The following IRS2 variants were observed in gnomAD, a reference collection of about 807,000 sequenced individuals.
IRS2 encodes the protein insulin receptor substrate 2.
IRS2 carries 28 observed loss-of-function variants against 70.9 expected under a neutral mutation model. The ratio of observed to expected loss-of-function variants is 0.39; its 90% confidence interval spans 0.29 to 0.54. IRS2 has a LOEUF of 0.54. Ranked by LOEUF, IRS2 falls within the 20% of genes least tolerant of loss-of-function variation. IRS2 has a pLI of 0.59. For synonymous variants in IRS2, 1,217 were observed against 981.9 expected (o/e 1.24, Z -4.48); for missense variants, 2,081 against 2,024.1 (o/e 1.03, Z -0.54).
In IRS2 at chr13:109,753,982, G is replaced by A. The variant is rs960843477; in HGVS notation, c.*2322C>T. On this transcript the variant is annotated 3_prime_UTR_variant, in exon 2 of 2. Coordinates refer to ENST00000375856, the MANE Select transcript of IRS2 (RefSeq NM_003749.3). Reference sequence around the variant, plus strand: ...CATCACATTGACCCCTATATACAGCGTGTACAGTGGAAGACAGAGCAAGAT... The same window carrying A: ...CATCACATTGACCCCTATATACAGCATGTACAGTGGAAGACAGAGCAAGAT... 9 of 231,982 alleles carry A rather than the reference G, an allele frequency of 3.9e-5. No homozygotes were observed. Among genetic ancestry groups the A allele is most frequent in the Admixed American group, 5.6e-5 (1 of 17,718 alleles). 14.4% of individuals were successfully genotyped at this position (231,982 alleles called of 1,614,324 possible). A position where few individuals can be genotyped will look rare whatever the true frequency, so the allele number is the denominator to read the frequency against.
rs777052321 is a variant in IRS2 at position 109,782,127 on chromosome 13, C to T, written c.3927G>A (p.Pro1309=). The part of the protein sequence containing the change: ...VGSTGGGCGG[P]GPGALPPANT... ...TGGCAGGGGGCAGGGCACCGGGACCCGGCCCCCCGCACCCGCCGCCGGTGC... is the reference window on the plus strand; with the variant it reads ...TGGCAGGGGGCAGGGCACCGGGACCTGGCCCCCCGCACCCGCCGCCGGTGC... The change falls in exon 1 of 2, where the codon CCG becomes CCA. Residue 1309 remains proline (P), a synonymous_variant. Transcript: ENST00000375856. The T allele has an allele frequency of 1.9e-6, 3 of 1,608,468 alleles. No individual in the cohort carries two copies. The highest frequency in any genetic ancestry group is 2.5e-6 in the Non-Finnish European group (3 of 1,178,254).
At chr13:109,778,428 GT>G (rs1414594465) in intron 1 of IRS2, among the ~76,000 whole-genome samples, 1 of 152,190 alleles carries the variant, frequency 6.6e-6, no homozygotes, top group East Asian at 1.9e-4. Context: ...GCCGGTGTGT[GT>G]TTTCATTAGC....
intron 1 of IRS2, among the ~76,000 whole-genome samples, chr13:109,769,977 T>C (rs1035883509): frequency 6.6e-6 from 1 of 152,232 alleles, no homozygotes; most frequent in Non-Finnish European, 1.5e-5. Flanking sequence ...CCTATTTTTC[T>C]TTTTTTCTGA....
At chr13:109,776,533 G>A (rs1214723899) in intron 1 of IRS2, among the ~76,000 whole-genome samples, 1 of 152,144 alleles carries the variant, frequency 6.6e-6, no homozygotes, top group African/African-American at 2.4e-5. Context: ...CTTATGTAAT[G>A]AATTCACTTA....
chr13:109,782,013 C>T, intron 1 of IRS2, 29 bp downstream of exon 1: 1 of 1,609,652 alleles, frequency 6.2e-7, no homozygotes, highest in African/African-American at 1.3e-5. Context: ...CTCCTTCCCG[C>T]CAGACGCCAA....
chr13:109,784,797 C>T lies in IRS2; in HGVS notation c.1257G>A (p.Leu419=), dbSNP rs1165974614. 2 of 1,267,682 alleles carry T rather than the reference C, an allele frequency of 1.6e-6. No individual in the cohort carries two copies. The highest frequency in any genetic ancestry group is 1.0e-6 in the Non-Finnish European group (1 of 1,002,042). The allele number at this position is 1,267,682 out of a possible 1,614,324, so 78.5% of individuals were successfully genotyped here. A position where few individuals can be genotyped will look rare whatever the true frequency, so the allele number is the denominator to read the frequency against. The change falls in exon 1 of 2, where the codon CTG becomes CTA. Residue 419 remains leucine, a synonymous_variant. Transcript: ENST00000375856. The surrounding 1 kb of genome is among the most constrained non-coding windows in gnomAD (Gnocchi z 5.2). ...TGTGTTGCAGCGCGCCCCCTGCCGGCAGCAGCGCCACCTTGCTCCCGCGGC... is the reference window on the plus strand; with the variant it reads ...TGTGTTGCAGCGCGCCCCCTGCCGGTAGCAGCGCCACCTTGCTCCCGCGGC... The part of the protein sequence containing the change: ...CGGRGSKVAL[L]PAGGALQHSR...
At position 109,753,642 on chromosome 13, in the gene IRS2, A is replaced by G. The variant is rs1877041588; in HGVS notation, c.*2662T>C. 5.7e-6 allele frequency: 1 copy of G among 175,674 alleles called. No homozygotes were observed. Among genetic ancestry groups the G allele is most frequent in the African/African-American group, 2.4e-5 (1 of 42,240 alleles). The allele number at this position is 175,674 out of a possible 1,614,324, so 10.9% of individuals were successfully genotyped here. On this transcript the variant is annotated 3_prime_UTR_variant, in exon 2 of 2. Coordinates refer to ENST00000375856, the MANE Select transcript of IRS2 (RefSeq NM_003749.3). ...TACATCGAATGTTCTGTTTTGTTATATAACACATTTACTTTTCATAAATGT... is the reference window on the plus strand; with the variant it reads ...TACATCGAATGTTCTGTTTTGTTATGTAACACATTTACTTTTCATAAATGT...
intron 1 of IRS2, among the ~76,000 whole-genome samples, chr13:109,759,034 G>A (rs1401322969): frequency 6.6e-6 from 1 of 152,046 alleles, no homozygotes; most frequent in African/African-American, 2.4e-5. Flanking sequence ...TGAGGTGAGG[G>A]AGACCAGAAA....
chr13:109,782,184 G>C lies in IRS2; in HGVS notation c.3870C>G (p.Leu1290=), dbSNP rs749244277. The C allele has an allele frequency of 6.4e-7, 1 of 1,560,792 alleles. No homozygotes were observed. Among genetic ancestry groups the C allele is most frequent in the Non-Finnish European group, 8.7e-7 (1 of 1,150,506 alleles). Residue 1290 remains leucine, a synonymous_variant, in exon 1 of 2, where the codon CTC becomes CTG. Coordinates refer to ENST00000375856, the MANE Select transcript of IRS2 (RefSeq NM_003749.3). ...DKSSWGRTRS[L]GGLISAVGVG... ...CGCCCACAGCGCTGATGAGACCCCCGAGGCTTCGGGTCCGGCCCCAGGAGC... is the reference window on the plus strand; with the variant it reads ...CGCCCACAGCGCTGATGAGACCCCCCAGGCTTCGGGTCCGGCCCCAGGAGC...
At chr13:109,773,416 T>G (rs1877502088) in intron 1 of IRS2, among the ~76,000 whole-genome samples, 1 of 152,208 alleles carries the variant, frequency 6.6e-6, no homozygotes, top group Admixed American at 6.5e-5. Flanking sequence ...ATTTCACTTA[T>G]AGAACAAGCA....
rs748989533 is a variant in IRS2, at chr13:109,785,514, G to C, written c.540C>G (p.Ala180=). The C allele has an allele frequency of 3.7e-6, 6 of 1,604,468 alleles. No individual in the cohort carries two copies. The highest frequency in any genetic ancestry group is 5.1e-6 in the Non-Finnish European group (6 of 1,176,104). ...ALGGSAGAAG[A]EDSYGLVAPA... ...GAGCCACCAGCCCGTAGCTGTCCTC[G>C]GCCCCGGCGGCGCCGGCAGAGCCGC... Residue 180 remains alanine, a synonymous_variant, in exon 1 of 2, where the codon GCC becomes GCG. Coordinates refer to ENST00000375856, the MANE Select transcript of IRS2 (RefSeq NM_003749.3). This position sits in a 1 kb window ranked among gnomAD's most constrained non-coding sequence, Gnocchi z 9.3.
intron 1 of IRS2, among the ~76,000 whole-genome samples, chr13:109,779,754 A>C (rs1877656194): frequency 6.6e-6 from 1 of 152,194 alleles, no homozygotes; most frequent in African/African-American, 2.4e-5. Flanking sequence ...CATGATACCC[A>C]CACAAACTTC....
At chr13:109,760,207 C>T (rs1877197441) in intron 1 of IRS2, among the ~76,000 whole-genome samples, 1 of 152,004 alleles carries the variant, frequency 6.6e-6, no homozygotes, top group Non-Finnish European at 1.5e-5. Context: ...GCTGTTCTAC[C>T]CTGAATATTC....
At chr13:109,758,236 T>C (rs1474554681) in intron 1 of IRS2, among the ~76,000 whole-genome samples, 1 of 149,790 alleles carries the variant, frequency 6.7e-6, no homozygotes, top group East Asian at 2.0e-4. Context: ...TGAGCTTGCA[T>C]TTTGTCCCTG....
intron 1 of IRS2, among the ~76,000 whole-genome samples, chr13:109,760,152 T>A (rs1306939281): frequency 6.6e-6 from 1 of 152,224 alleles, no homozygotes; most frequent in South Asian, 2.1e-4. Flanking sequence ...TTTGTTGTAT[T>A]ATCTGTGTTC....
At position 109,784,114 on chromosome 13, in the gene IRS2, A is replaced by G; in HGVS notation, c.1940T>C (p.Leu647Pro). 6.3e-7 allele frequency: 1 copy of G among 1,594,652 alleles called. No homozygotes were observed. Among genetic ancestry groups the G allele is most frequent in the South Asian group, 1.1e-5 (1 of 90,090 alleles). ...GGGCATGTAGCCGTCGTCTGCCCCC[A>G]GGTTGCTGCTGGAGCTCCTGTGGGA... ...IGSHRSSSSN[L>P]GADDGYMPMT... is the part of the protein sequence containing the mutation. Residue 647 changes from leucine (L) to proline (P), a missense_variant, in exon 1 of 2, where the codon CTG becomes CCG. Leu to Pro is a moderately conservative substitution (Grantham distance 98, BLOSUM62 -3). Coordinates refer to ENST00000375856, the MANE Select transcript of IRS2 (RefSeq NM_003749.3). This position sits in a 1 kb window ranked among gnomAD's most constrained non-coding sequence, Gnocchi z 5.2.
chr13:109,783,785 C>T lies in IRS2; in HGVS notation c.2269G>A (p.Asp757Asn), dbSNP rs748332253. Residue 757 changes from aspartate (D) to asparagine (N), a missense_variant, in exon 1 of 2, where the codon GAT becomes AAT. Around this residue, in one of 4 missense-constraint regions of IRS2, gnomAD observed 1,615 missense variants for 1,459.5 expected, o/e 1.11. Coordinates refer to ENST00000375856, the MANE Select transcript of IRS2 (RefSeq NM_003749.3). Reference protein sequence around the residue: ...CGSKLSMEHADGKLLPNGDYL... With the variant: ...CGSKLSMEHANGKLLPNGDYL... ...TCCCCGTTGGGCAGCAGCTTGCCAT[C>T]TGCATGCTCCATGGACAGCTTGGAA... The T allele has an allele frequency of 1.9e-6, 3 of 1,597,804 alleles. No homozygotes were observed. Among genetic ancestry groups the T allele is most frequent in the Non-Finnish European group, 2.6e-6 (3 of 1,172,660 alleles).
In IRS2 at chr13:109,786,023, C is replaced by T; in HGVS notation, c.31G>A (p.Gly11Arg). MASPPRHGPP[G>R]PASGDGPNLN... is the part of the protein sequence containing the mutation. ...TTGGGGCCGTCTCCGCTCGCCGGCC[C>T]GGGCGGCCCGTGCCGCGGCGGGCTC... The change falls in exon 1 of 2, where the codon GGG (glycine) becomes AGG (arginine). Residue 11 changes from glycine (G) to arginine (R), a missense_variant. Gly to Arg is a moderately radical substitution (Grantham distance 125, BLOSUM62 -2). Around this residue, in one of 4 missense-constraint regions of IRS2, gnomAD observed 320 missense variants for 352.9 expected, o/e 0.91. Coordinates refer to ENST00000375856, the MANE Select transcript of IRS2 (RefSeq NM_003749.3). This position sits in a 1 kb window ranked among gnomAD's most constrained non-coding sequence, Gnocchi z 4.4. The T allele has an allele frequency of 1.5e-6, 2 of 1,368,064 alleles. No homozygotes were observed. Among genetic ancestry groups the T allele is most frequent in the Non-Finnish European group, 1.9e-6 (2 of 1,060,662 alleles). 84.7% of individuals were successfully genotyped at this position (1,368,064 alleles called of 1,614,324 possible).
rs951907196 is a variant in IRS2, at chr13:109,786,387, C to G, written c.-334G>C. The G allele has an allele frequency of 6.8e-6, 1 of 147,298 alleles. No homozygotes were observed. Among genetic ancestry groups the G allele is most frequent in the East Asian group, 2.0e-4 (1 of 4,972 alleles). The allele number at this position is 147,298 out of a possible 1,614,324, so 9.1% of individuals were successfully genotyped here. On this transcript the variant is annotated 5_prime_UTR_variant, in exon 1 of 2. Coordinates refer to ENST00000375856, the MANE Select transcript of IRS2 (RefSeq NM_003749.3). The surrounding 1 kb of genome is among the most constrained non-coding windows in gnomAD (Gnocchi z 4.4). The stretch of plus-strand genomic sequence containing the variant: ...TCGCTGGGCCGGGAGTCGGGGTCCC[C>G]GAGCCGCGGGGCCGAGCCTAAGGCG...
Sources: allele counts gnomAD v4.1 joint callset (sites outside exome capture counted in the v4.1 genomes callset), GRCh38; gene constraint gnomAD v4.1.1; regional missense constraint gnomAD v4.1.1; non-coding constraint Gnocchi (gnomAD v3.1); transcripts MANE v1.5; gene names NCBI Gene and HGNC (gene_info 2026-07-23, HGNC 2026-07-21).